Variants in SYNE1 observed in about 807,000 individuals in gnomAD.
The protein encoded by SYNE1 is spectrin repeat containing nuclear envelope protein 1.
A neutral mutation model predicts 1,111.0 loss-of-function variants in SYNE1; 616 were observed. That is an observed-to-expected ratio of 0.55 (90% CI 0.52 to 0.59). The LOEUF is 0.59. SYNE1 is among the 20% of genes least tolerant of loss of function. SYNE1 has a pLI of 0.00. For synonymous variants in SYNE1, 3,855 were observed against 3,825.8 expected, an observed-to-expected ratio of 1.01 and a Z score of -0.28; for missense variants, 10,006 against 10,417.0, an observed-to-expected ratio of 0.96 and a Z score of 1.72.
At position 152,369,008 on chromosome 6, in the gene SYNE1, C is replaced by G. The variant is rs369837702; in HGVS notation, c.9771G>C (p.Leu3257=). Residue 3257 remains leucine, a synonymous_variant, in exon 61 of 146, where the codon CTG becomes CTC. Transcript: ENST00000367255. ...TGCTTAGCGCTAGATACTGAGAAGA[C>G]AGCTGCGACACTCTGTGCCTAAAGC... The part of the protein sequence containing the change: ...SKSFRHRVSQ[L]SSQYLALSNL... The G allele has an allele frequency of 2.5e-6, 4 of 1,614,106 alleles. No homozygotes were observed. The highest frequency in any genetic ancestry group is 2.5e-6 in the Non-Finnish European group (3 of 1,180,044).
intron 78 of SYNE1, 96 bp from the exon 79 acceptor site, chr6:152,326,729 T>G (rs1425373279): frequency 8.4e-7 from 1 of 1,191,304 alleles, no homozygotes; most frequent in Non-Finnish European, 1.2e-6. Context: ...GTCCTTAGTC[T>G]CATGGGCGTA....
intron 127 of SYNE1, among the ~76,000 whole-genome samples, chr6:152,199,896 T>G (rs1399980397): frequency 6.6e-6 from 1 of 152,242 alleles, no homozygotes; most frequent in Non-Finnish European, 1.5e-5. Flanking sequence ...CAGCGTGTGT[T>G]TGTAACTGTC....
intron 138 of SYNE1, 134 bp downstream of exon 138, chr6:152,143,489 C>T (rs906058302): frequency 1.5e-6 from 2 of 1,327,152 alleles, no homozygotes; most frequent in African/African-American, 1.4e-5. Context: ...TGGCTTTGCA[C>T]ATCCAGGTTC....
chr6:152,345,661 G>A (rs769001375), intron 73 of SYNE1, among the ~76,000 whole-genome samples: 46 of 151,696 alleles, frequency 3.0e-4, no homozygotes, highest in Non-Finnish European at 4.9e-4. Context: ...CTCTAACCAC[G>A]TCACTGGTAT....
chr6:152,123,843 T>C (rs2052349375), intron 145 of SYNE1, among the ~76,000 whole-genome samples: 2 of 152,134 alleles, frequency 1.3e-5, no homozygotes, highest in Admixed American at 1.3e-4. Flanking sequence ...TAACTGTAGG[T>C]TTGGTCCAGA....
chr6:152,456,482 G>T (rs1593087274), intron 22 of SYNE1, among the ~76,000 whole-genome samples: 1 of 145,398 alleles, frequency 6.9e-6, no homozygotes, highest in Non-Finnish European at 1.5e-5. Context: ...TTTGCTGAAA[G>T]AGATGCACTA....
In SYNE1 at chr6:152,301,899, G is replaced by C; in HGVS notation, c.17511C>G (p.Pro5837=). 2 of 1,613,832 alleles carry C rather than the reference G, an allele frequency of 1.2e-6. No individual in the cohort carries two copies. Among genetic ancestry groups the C allele is most frequent in the South Asian group, 1.1e-5 (1 of 91,084 alleles). ...CCACAGAGGGGTGGGCCGAAGGCGTGGGGAGGAGCTCCCCATCCAGGTCCT... is the reference window on the plus strand; with the variant it reads ...CCACAGAGGGGTGGGCCGAAGGCGTCGGGAGGAGCTCCCCATCCAGGTCCT... ...GTEDLDGELL[P]TPSAHPSVVM... Residue 5837 remains proline, a synonymous_variant, in exon 92 of 146, where the codon CCC becomes CCG. Coordinates refer to ENST00000367255, the MANE Select transcript of SYNE1 (RefSeq NM_182961.4).
chr6:152,534,017 G>T (rs1162242308), intron 4 of SYNE1, among the ~76,000 whole-genome samples: 1 of 151,854 alleles, frequency 6.6e-6, no homozygotes, highest in East Asian at 1.9e-4. Flanking sequence ...AAACTAGCTG[G>T]GCATGGCGGT....
intron 39 of SYNE1, among the ~76,000 whole-genome samples, chr6:152,421,599 T>G (rs1592345377): frequency 6.6e-6 from 1 of 152,176 alleles, no homozygotes; most frequent in East Asian, 1.9e-4. Context: ...TAATTTGGAC[T>G]GAATCCTGAA....
At chr6:152,579,870 G>C (rs1018134616) in intron 3 of SYNE1, among the ~76,000 whole-genome samples, 2 of 152,170 alleles carry the variant, frequency 1.3e-5, no homozygotes, top group African/African-American at 4.8e-5. Context: ...TGTTATGGCT[G>C]TGTATTATTC....
intron 126 of SYNE1, 62 bp downstream of exon 126, chr6:152,206,106 G>T: frequency 6.9e-7 from 1 of 1,447,774 alleles, no homozygotes. Flanking sequence ...GAATAACAAT[G>T]GGAGGAAGTA....
rs987385438 is a variant in SYNE1, at chr6:152,509,153, C to T, written c.581+1040G>A. ...TGAAAGGACTTACCCCTGATCACATCAGACTACAAAATACTTATATAATCA... is the reference window on the plus strand; with the variant it reads ...TGAAAGGACTTACCCCTGATCACATTAGACTACAAAATACTTATATAATCA... On this transcript the variant is annotated intron_variant, in intron 8 of 145. Transcript: ENST00000367255. 3.9e-5 allele frequency among the ~76,000 whole-genome samples: 6 copies of T among 151,910 alleles called. No individual in the cohort carries two copies. In the South Asian group the frequency reaches 1.0e-3, roughly 26 times the overall value.
Position 152,450,728 on chromosome 6 carries a change from G to C in SYNE1, c.3292C>G (p.Pro1098Ala). Residue 1098 changes from proline to alanine, a missense_variant, in exon 27 of 146, where the codon CCT becomes GCT. Pro to Ala is a conservative substitution (Grantham distance 27, BLOSUM62 -1). Around this residue, in one of 7 missense-constraint regions of SYNE1, gnomAD observed 1,971 missense variants for 2,084.1 expected, o/e 0.95. Transcript: ENST00000367255. ...TTGAGAGTCACGTGACAGGTTCCAG[G>C]TGTGTCCCTTACTGGGTCCCGCACT... is the stretch of plus-strand genomic sequence containing the variant. The part of the protein sequence containing the change: ...LPVRDPVRDT[P>A]GTCHVTLKEL... 6.2e-7 allele frequency: 1 copy of C among 1,614,114 alleles called. No individual in the cohort carries two copies. Among genetic ancestry groups the C allele is most frequent in the Non-Finnish European group, 8.5e-7 (1 of 1,180,032 alleles).
intron 105 of SYNE1, among the ~76,000 whole-genome samples, chr6:152,245,848 G>A (rs1412381403): frequency 1.3e-5 from 2 of 152,072 alleles, no homozygotes; most frequent in African/African-American, 2.4e-5. Flanking sequence ...TTTCTTCCCG[G>A]GTAAAAGACT....
intron 97 of SYNE1, among the ~76,000 whole-genome samples, chr6:152,280,145 T>C (rs2093944150): frequency 6.6e-6 from 1 of 152,220 alleles, no homozygotes; most frequent in South Asian, 2.1e-4. Flanking sequence ...TTCTGTGTAA[T>C]AGTCACCGTT....
chr6:152,476,740 A>G (rs913838960), intron 14 of SYNE1, among the ~76,000 whole-genome samples: 1 of 151,988 alleles, frequency 6.6e-6, no homozygotes, highest in African/African-American at 2.4e-5. Context: ...GTGGTGGCCC[A>G]TGCCTGTAGT....
chr6:152,387,350 C>T lies in SYNE1; in HGVS notation c.8209G>A (p.Asp2737Asn). 1.2e-6 allele frequency: 2 copies of T among 1,614,162 alleles called. No individual in the cohort carries two copies. The highest frequency in any genetic ancestry group is 1.7e-6 in the Non-Finnish European group (2 of 1,179,994). ...AACTGGTTTTTCCTCTCTACATAGT[C>T]ATTCCATTGGCTAATCACAGACTCT... is the stretch of plus-strand genomic sequence containing the variant. The part of the protein sequence containing the change: ...TLESVISQWN[D>N]YVERKNQLEQ... Residue 2737 changes from aspartate (D) to asparagine (N), a missense_variant, in exon 54 of 146, where the codon GAC becomes AAC. This residue lies in a region of SYNE1 where 4,955 missense variants were observed against 5,017.2 expected (regional missense o/e 0.99). Transcript: ENST00000367255.
intron 145 of SYNE1, chr6:152,128,485 C>A (rs1197150161): frequency 6.6e-6 from 1 of 152,166 alleles, no homozygotes. Context: ...GTTTAAAATA[C>A]TGTATGAAGA....
intron 3 of SYNE1, among the ~76,000 whole-genome samples, chr6:152,548,772 CT>C (rs1428497644): frequency 6.6e-6 from 1 of 152,160 alleles, no homozygotes; most frequent in Non-Finnish European, 1.5e-5. Flanking sequence ...ACTATGCATC[CT>C]TCTTTTGTAT....
Sources: gnomAD v4.1 joint callset for allele counts (sites outside exome capture counted in the v4.1 genomes callset) on GRCh38, gnomAD v4.1.1 for gene constraint, gnomAD v4.1.1 regional missense constraint, MANE v1.5 for transcripts, NCBI Gene and HGNC (gene_info 2026-07-23, HGNC 2026-07-21) for gene names.